PEBP1: variants seen among roughly 807,000 people sequenced by gnomAD.
PEBP1 encodes phosphatidylethanolamine-binding protein 1.
Under a neutral mutation model 22.7 loss-of-function variants are expected in PEBP1, and 17 were observed. That is an observed-to-expected ratio of 0.75 (90% CI 0.51 to 1.12). The LOEUF is 1.12. Ranked by LOEUF, PEBP1 falls within the 50% of genes most tolerant of loss-of-function variation. The probability of loss-of-function intolerance (pLI) is 0.00; values close to 1 mark genes in which losing one functional copy is unlikely to be tolerated. For missense variants in PEBP1, 205 were observed against 243.5 expected, an observed-to-expected ratio of 0.84 and a Z score of 1.05; for synonymous variants, 106 against 104.3, an observed-to-expected ratio of 1.02 and a Z score of -0.10.
rs111868686 is a variant in PEBP1, at chr12:118,140,914, A to G, written c.346+1363A>G. 7.0e-3 allele frequency among the ~76,000 whole-genome samples: 1,064 copies of G among 152,282 alleles called. 16 individuals are homozygous for G. The highest frequency in any genetic ancestry group is 0.025 in the African/African-American group (1,031 of 41,562). On this transcript the variant is annotated intron_variant, in intron 3 of 3. Transcript: ENST00000261313. ...TTTTTCCATATTCTTGTAATATGGT[A>G]TAATTTACATGGTAACAAAATCCAC... is the stretch of plus-strand genomic sequence containing the variant.
chr12:118,140,068 AC>A (rs2034101629), intron 3 of PEBP1, among the ~76,000 whole-genome samples: 1 of 152,194 alleles, frequency 6.6e-6, no homozygotes, highest in Non-Finnish European at 1.5e-5. Context: ...ACACACACAC[AC>A]ACACATTGTA....
intron 3 of PEBP1, among the ~76,000 whole-genome samples, chr12:118,141,715 T>C (rs984789616): frequency 1.3e-5 from 2 of 152,164 alleles, no homozygotes; most frequent in African/African-American, 2.4e-5. Context: ...GCCTGGGCGA[T>C]AGAGCAAGCC....
At position 118,136,198 on chromosome 12, in the gene PEBP1, C is replaced by G. The variant is rs752684160; in HGVS notation, c.-12C>G. The G allele has an allele frequency of 6.5e-7, 1 of 1,544,124 alleles. No homozygotes were observed. Among genetic ancestry groups the G allele is most frequent in the South Asian group, 1.2e-5 (1 of 83,944 alleles). ...GCGGCACTCCCGGCTGCACGCTCTG[C>G]TTGGCCTCGCCATGCCGGTGGACCT... On this transcript the variant is annotated 5_prime_UTR_variant, in exon 1 of 4. Transcript: ENST00000261313. This position sits in a 1 kb window ranked among gnomAD's most constrained non-coding sequence, Gnocchi z 5.6.
rs760358475 is a variant in PEBP1, at chr12:118,139,448, C to G, written c.246-3C>G. The G allele has an allele frequency of 2.8e-5, 45 of 1,605,654 alleles. No individual in the cohort carries two copies. Among genetic ancestry groups the G allele is most frequent in the Non-Finnish European group, 3.7e-5 (44 of 1,174,154 alleles). On this transcript the variant is annotated splice_polypyrimidine_tract_variant and splice_region_variant and intron_variant, in intron 2 of 3. Coordinates refer to ENST00000261313, the MANE Select transcript of PEBP1 (RefSeq NM_002567.4). The stretch of plus-strand genomic sequence containing the variant: ...TGCTGACATCCCGTGTTTCTTCATG[C>G]AGAGAATGGCATCATTTCCTGGTGG...
intron 2 of PEBP1, 59 bp from the exon 3 acceptor site, chr12:118,139,392 T>A (rs1467780005): frequency 8.8e-7 from 1 of 1,131,286 alleles, no homozygotes; most frequent in South Asian, 1.2e-5. Flanking sequence ...AGTTGCTGAC[T>A]GTGCAGTGAA....
At chr12:118,139,602 C>T in intron 3 of PEBP1, 51 bp downstream of exon 3, 1 of 1,119,100 alleles carries the variant, frequency 8.9e-7, no homozygotes, top group Non-Finnish European at 1.3e-6. Flanking sequence ...CTCGGGGGCA[C>T]ATTAGGATTG....
rs2034061846 is a variant in PEBP1, at chr12:118,136,567, G to A, written c.135+223G>A. Among the ~76,000 whole-genome samples, 1 of 152,228 alleles carries A rather than the reference G, an allele frequency of 6.6e-6. No homozygotes were observed. The highest frequency in any genetic ancestry group is 2.4e-5 in the African/African-American group (1 of 41,464). The stretch of plus-strand genomic sequence containing the variant: ...TGGCGTGGCCAGGCAGGTTCGGCCT[G>A]CGGCAGAAATTCATTCACTTTTCCC... On this transcript the variant is annotated intron_variant, in intron 1 of 3. Coordinates refer to ENST00000261313, the MANE Select transcript of PEBP1 (RefSeq NM_002567.4). This position sits in a 1 kb window ranked among gnomAD's most constrained non-coding sequence, Gnocchi z 5.6.
Position 118,138,049 on chromosome 12 carries a change from G to C in PEBP1, c.146G>C (p.Arg49Thr), listed in dbSNP as rs1337846976. 1 of 1,612,234 alleles carries C rather than the reference G, an allele frequency of 6.2e-7. No individual in the cohort carries two copies. Among genetic ancestry groups the C allele is most frequent in the East Asian group, 2.2e-5 (1 of 44,878 alleles). ...GGTTCCTTCATACAGGTTAAGAATA[G>C]ACCCACCAGCATTTCGTGGGATGGT... is the stretch of plus-strand genomic sequence containing the variant. ...KVLTPTQVKN[R>T]PTSISWDGLD... The change falls in exon 2 of 4, where the codon AGA (arginine) becomes ACA (threonine). Residue 49 changes from arginine to threonine, a missense_variant. Transcript: ENST00000261313.
At position 118,136,161 on chromosome 12, in the gene PEBP1, G is replaced by GGCACT; in HGVS notation, c.-49_-48insGCACT. ...TCTCCGCGTCGCCTCTGTCGCCCGCGCCTGGCCTACCGCGGCACTCCCGGC... is the reference window on the plus strand; with the variant it reads ...TCTCCGCGTCGCCTCTGTCGCCCGCGGCACTCCTGGCCTACCGCGGCACTCCCGGC... On this transcript the variant is annotated 5_prime_UTR_variant, in exon 1 of 4. Coordinates refer to ENST00000261313, the MANE Select transcript of PEBP1 (RefSeq NM_002567.4). This position sits in a 1 kb window ranked among gnomAD's most constrained non-coding sequence, Gnocchi z 5.6. The GGCACT allele has an allele frequency of 6.5e-7, 1 of 1,535,980 alleles. No individual in the cohort carries two copies. Among genetic ancestry groups the GGCACT allele is most frequent in the Admixed American group, 2.0e-5 (1 of 50,860 alleles).
intron 2 of PEBP1, among the ~76,000 whole-genome samples, 156 bp from the exon 3 acceptor site, chr12:118,139,293 CAG>C (rs956661492): frequency 1.4e-5 from 2 of 141,620 alleles, no homozygotes; most frequent in African/African-American, 5.4e-5. Flanking sequence ...GCCTGGGTGA[CAG>C]AGTGAGACTC....
chr12:118,138,155 GGT>G lies in PEBP1; in HGVS notation c.245+9_245+10del. The stretch of plus-strand genomic sequence containing the variant: ...GGAAGGATCCCAAATACAGGTGAGA[GGT>G]GAGAAAGACGAGAAGAGCAGGTCAT... On this transcript the variant is annotated splice_region_variant and intron_variant, in intron 2 of 3. Coordinates refer to ENST00000261313, the MANE Select transcript of PEBP1 (RefSeq NM_002567.4). 6.3e-7 allele frequency: 1 copy of G among 1,581,004 alleles called. No homozygotes were observed. The highest frequency in any genetic ancestry group is 8.7e-7 in the Non-Finnish European group (1 of 1,150,628).
At chr12:118,140,664 G>C (rs866575035) in intron 3 of PEBP1, among the ~76,000 whole-genome samples, 1 of 151,700 alleles carries the variant, frequency 6.6e-6, no homozygotes, top group South Asian at 2.1e-4. Flanking sequence ...TCAGCCTCCC[G>C]AGTAGCTGGG....
At chr12:118,141,927 C>T (rs994516159) in intron 3 of PEBP1, among the ~76,000 whole-genome samples, 1 of 152,068 alleles carries the variant, frequency 6.6e-6, no homozygotes, top group African/African-American at 2.4e-5. Flanking sequence ...TGGGATGTTT[C>T]CAGTATTTGG....
intron 3 of PEBP1, among the ~76,000 whole-genome samples, chr12:118,142,826 C>CTTTTTTTTTT (rs374392598): frequency 3.2e-5 from 3 of 93,636 alleles, no homozygotes; most frequent in African/African-American, 1.3e-4. Context: ...ACTACATTCA[C>CTTTTTTTTTT]TTTTTTTTTT....
At chr12:118,143,386 T>C (rs1199326855) in intron 3 of PEBP1, among the ~76,000 whole-genome samples, 2 of 152,218 alleles carry the variant, frequency 1.3e-5, no homozygotes, top group Non-Finnish European at 1.5e-5. Context: ...TGGTGTAGCA[T>C]GTGTCTGAAT....
At chr12:118,143,598 T>A (rs1286853026) in intron 3 of PEBP1, among the ~76,000 whole-genome samples, 1 of 152,148 alleles carries the variant, frequency 6.6e-6, no homozygotes, top group Non-Finnish European at 1.5e-5. Context: ...AACAACTTTT[T>A]AAAAAATAAC....
chr12:118,136,129 G>T lies in PEBP1; in HGVS notation c.-81G>T. The T allele has an allele frequency of 6.7e-7, 1 of 1,501,392 alleles. No individual in the cohort carries two copies. Among genetic ancestry groups the T allele is most frequent in the Admixed American group, 2.0e-5 (1 of 50,412 alleles). The allele number at this position is 1,501,392 out of a possible 1,614,324, so 93.0% of individuals were successfully genotyped here. ...GGTCTGCGTCTTCCCGAGCCAGTGT[G>T]CTGAGCTCTCCGCGTCGCCTCTGTC... On this transcript the variant is annotated 5_prime_UTR_variant, in exon 1 of 4. Coordinates refer to ENST00000261313, the MANE Select transcript of PEBP1 (RefSeq NM_002567.4). This position sits in a 1 kb window ranked among gnomAD's most constrained non-coding sequence, Gnocchi z 5.6.
intron 3 of PEBP1, among the ~76,000 whole-genome samples, chr12:118,144,072 A>G (rs2034135791): frequency 6.6e-6 from 1 of 152,184 alleles, no homozygotes; most frequent in Non-Finnish European, 1.5e-5. Flanking sequence ...AGGTAGAAAG[A>G]AAATGTTCTC....
In PEBP1 at chr12:118,136,822, C is replaced by T. The variant is rs1190636281; in HGVS notation, c.135+478C>T. Among the ~76,000 whole-genome samples, 1 of 152,216 alleles carries T rather than the reference C, an allele frequency of 6.6e-6. No individual in the cohort carries two copies. The highest frequency in any genetic ancestry group is 2.4e-5 in the African/African-American group (1 of 41,560). ...TGTAACTGGCGATGAGCGCGCCGGC[C>T]GATTTCTCCTTTGTTAAATGGGTCG... is the stretch of plus-strand genomic sequence containing the variant. On this transcript the variant is annotated intron_variant, in intron 1 of 3. Transcript: ENST00000261313. The surrounding 1 kb of genome is among the most constrained non-coding windows in gnomAD (Gnocchi z 5.6).
Sources: allele counts gnomAD v4.1 joint callset (sites outside exome capture counted in the v4.1 genomes callset), GRCh38; gene constraint gnomAD v4.1.1; non-coding constraint Gnocchi (gnomAD v3.1); transcripts MANE v1.5; gene names NCBI Gene and HGNC (gene_info 2026-07-23, HGNC 2026-07-21).